CDH18: variants seen among roughly 807,000 people sequenced by gnomAD.
CDH18 encodes cadherin 18.
In CDH18, 31 loss-of-function variants were observed where a neutral mutation model predicts 67.9. The ratio of observed to expected loss-of-function variants is 0.46; its 90% CI spans 0.34 to 0.62. The LOEUF is 0.62. CDH18 is among the 20% of genes least tolerant of loss of function. CDH18 has a pLI of 0.01. For missense variants in CDH18, 890 were observed against 975.5 expected, an observed-to-expected ratio of 0.91 and a Z score of 1.17; for synonymous variants, 362 against 347.2, an observed-to-expected ratio of 1.04 and a Z score of -0.48.
At chr5:19,763,058 T>C (rs1772578878) in intron 3 of CDH18, among the ~76,000 whole-genome samples, 1 of 152,096 alleles carries the variant, frequency 6.6e-6, no homozygotes, top group Non-Finnish European at 1.5e-5. Flanking sequence ...TGAGAACACT[T>C]GGACACAAGG....
In CDH18 at chr5:19,601,569, T is replaced by TA. The variant is rs565947528; in HGVS notation, c.812-10326dup. ...CAAATTCTCAAAATCTTGCAAAAAG[T>TA]AAAAAAAGAGGGAAATTACCTAATT... is the stretch of plus-strand genomic sequence containing the variant. On this transcript the variant is annotated intron_variant, in intron 6 of 12. Coordinates refer to ENST00000382275, the MANE Select transcript of CDH18 (RefSeq NM_004934.5). Among the ~76,000 whole-genome samples, 393 of 151,840 alleles carry TA rather than the reference T, an allele frequency of 2.6e-3. 2 individuals carry two copies. Among genetic ancestry groups the TA allele is most frequent in the African/African-American group, 8.5e-3 (351 of 41,446 alleles).
Position 20,097,519 on chromosome 5 carries a change from A to T in CDH18, c.-517-105505T>A, listed in dbSNP as rs185919658. ...AGTTACCTTCCACTGGGTCCTTCAGACATGTGGGGATTATGCGAGCCACAA... is the reference window on the plus strand; with the variant it reads ...AGTTACCTTCCACTGGGTCCTTCAGTCATGTGGGGATTATGCGAGCCACAA... On this transcript the variant is annotated intron_variant, in intron 2 of 14. Transcript: ENST00000507958. Among the ~76,000 whole-genome samples, 63 of 152,280 alleles carry T rather than the reference A, an allele frequency of 4.1e-4. 1 individual carries two copies. The highest frequency in any genetic ancestry group is 1.4e-3 in the African/African-American group (57 of 41,564).
chr5:20,018,834 G>A (rs188097392), intron 2 of CDH18, among the ~76,000 whole-genome samples: 2,514 of 140,454 alleles, frequency 0.018, 202 homozygotes, highest in African/African-American at 0.066. Flanking sequence ...TCGCTCTGTC[G>A]CCCAGGCTGG....
chr5:20,331,229 T>G (rs1209886142), intron 1 of CDH18: 2 of 152,212 alleles, frequency 1.3e-5, no homozygotes, highest in East Asian at 3.8e-4. Context: ...ACAATTTGAA[T>G]GTTTATCTTG....
At chr5:19,840,466 G>C (rs1443575639) in intron 2 of CDH18, among the ~76,000 whole-genome samples, 9 of 152,006 alleles carry the variant, frequency 5.9e-5, no homozygotes, top group Admixed American at 5.2e-4. Context: ...ATTTTGGAAG[G>C]CTGAGGCAGG....
chr5:20,056,078 C>CACT (rs1741882317), intron 2 of CDH18, among the ~76,000 whole-genome samples: 1 of 137,434 alleles, frequency 7.3e-6, no homozygotes, highest in Non-Finnish European at 1.5e-5. Flanking sequence ...CATCTTGGCT[C>CACT]ACTATAACCT....
intron 2 of CDH18, among the ~76,000 whole-genome samples, chr5:20,144,483 T>C (rs1750489568): frequency 6.6e-6 from 1 of 152,176 alleles, no homozygotes; most frequent in Admixed American, 6.6e-5. Context: ...GTCTGGCTCA[T>C]AGTTTTACAG....
intron 2 of CDH18, among the ~76,000 whole-genome samples, chr5:19,919,909 A>G (rs1304067886): frequency 6.6e-6 from 1 of 152,214 alleles, no homozygotes; most frequent in Non-Finnish European, 1.5e-5. Flanking sequence ...GACTAACCAT[A>G]TTAAAGTGTC....
intron 3 of CDH18, among the ~76,000 whole-genome samples, chr5:19,784,623 A>T (rs1417970620): frequency 6.6e-6 from 1 of 152,218 alleles, no homozygotes; most frequent in Non-Finnish European, 1.5e-5. Context: ...GAGAATCTAT[A>T]ACTTTATTAA....
At chr5:19,745,875 G>C (rs1397738682) in intron 4 of CDH18, among the ~76,000 whole-genome samples, 4 of 151,936 alleles carry the variant, frequency 2.6e-5, no homozygotes, top group African/African-American at 9.7e-5. Flanking sequence ...CTGGAGTTGA[G>C]AGAAAAGATG....
At chr5:19,534,566 C>A (rs1169281665) in intron 9 of CDH18, among the ~76,000 whole-genome samples, 1 of 152,130 alleles carries the variant, frequency 6.6e-6, no homozygotes, top group Non-Finnish European at 1.5e-5. Context: ...TTTACCTATA[C>A]ACTTTACAGA....
chr5:20,113,322 C>T (rs1747633406), intron 2 of CDH18, among the ~76,000 whole-genome samples: 1 of 152,152 alleles, frequency 6.6e-6, no homozygotes, highest in Non-Finnish European at 1.5e-5. Flanking sequence ...TCTTGGCCAA[C>T]ATATTAGTCT....
chr5:20,283,287 G>C (rs1561938158), intron 1 of CDH18, among the ~76,000 whole-genome samples: 1 of 152,090 alleles, frequency 6.6e-6, no homozygotes, highest in South Asian at 2.1e-4. Context: ...TTTATGCACA[G>C]CAAAGAAAAC....
At chr5:20,325,313 A>G (rs1738456065) in intron 1 of CDH18, among the ~76,000 whole-genome samples, 1 of 152,182 alleles carries the variant, frequency 6.6e-6, no homozygotes, top group Non-Finnish European at 1.5e-5. Context: ...ACCACATCAC[A>G]ATAACTTGCT....
intron 1 of CDH18, among the ~76,000 whole-genome samples, chr5:20,314,225 A>AT (rs1737261323): frequency 6.6e-6 from 1 of 152,020 alleles, no homozygotes; most frequent in African/African-American, 2.4e-5. Flanking sequence ...AAATTCAAGA[A>AT]TTTGAGTTTC....
intron 1 of CDH18, among the ~76,000 whole-genome samples, chr5:20,346,415 A>G (rs1243392951): frequency 6.6e-6 from 1 of 152,170 alleles, no homozygotes; most frequent in Non-Finnish European, 1.5e-5. Flanking sequence ...GCCTTACAAA[A>G]GGAAAGAGCT....
intron 1 of CDH18, among the ~76,000 whole-genome samples, chr5:20,553,376 G>A (rs1757742909): frequency 6.6e-6 from 1 of 152,088 alleles, no homozygotes; most frequent in Non-Finnish European, 1.5e-5. Context: ...TTACCAAATA[G>A]CATTAGCACT....
chr5:20,473,766 T>A (rs1752249343), intron 1 of CDH18, among the ~76,000 whole-genome samples: 2 of 152,170 alleles, frequency 1.3e-5, no homozygotes, highest in South Asian at 4.1e-4. Flanking sequence ...TATTCTTGGT[T>A]ATTGTTGTGG....
chr5:20,216,574 C>A (rs878948727), intron 2 of CDH18, among the ~76,000 whole-genome samples: 1 of 151,880 alleles, frequency 6.6e-6, no homozygotes, highest in Non-Finnish European at 1.5e-5. Context: ...TGAATTTCTT[C>A]CTTTCCATTA....
Sources: gnomAD v4.1 joint callset for allele counts (sites outside exome capture counted in the v4.1 genomes callset) on GRCh38, gnomAD v4.1.1 for gene constraint, MANE v1.5 for transcripts, NCBI Gene and HGNC (gene_info 2026-07-23, HGNC 2026-07-21) for gene names.